Variants in LRRC4C observed in about 807,000 individuals in gnomAD.
LRRC4C encodes the protein leucine-rich repeat-containing protein 4C.
Under a neutral mutation model 33.6 loss-of-function variants are expected in LRRC4C, and 5 were observed. The observed-to-expected ratio is 0.15, with a 90% CI of 0.08 to 0.31. LRRC4C has a LOEUF of 0.31. Ranked by LOEUF, LRRC4C falls within the 10% of genes least tolerant of loss-of-function variation. LRRC4C has a pLI of 1.00. For synonymous variants in LRRC4C, 329 were observed against 302.0 expected (o/e 1.09, Z -0.93); for missense variants, 560 against 796.7 (o/e 0.70, Z 3.58).
intron 5 of LRRC4C, among the ~76,000 whole-genome samples, chr11:40,208,853 C>T (rs1371788011): frequency 1.3e-5 from 2 of 152,062 alleles, no homozygotes; most frequent in Non-Finnish European, 2.9e-5. Flanking sequence ...TTCACATTCA[C>T]CGACTTCAAC....
At chr11:41,014,539 C>T (rs1313823495) in intron 1 of LRRC4C, among the ~76,000 whole-genome samples, 3 of 149,974 alleles carry the variant, frequency 2.0e-5, no homozygotes, top group Admixed American at 1.3e-4. Context: ...TATTGGATAC[C>T]ATGATGTTGT....
intron 3 of LRRC4C, among the ~76,000 whole-genome samples, chr11:40,615,240 A>ATT (rs1961660575): frequency 1.5e-5 from 1 of 68,804 alleles, no homozygotes; most frequent in African/African-American, 5.4e-5. Context: ...GATTTATTTT[A>ATT]TATATATATA....
At chr11:40,463,307 TGTGTGTGTG>T (rs1952495225) in intron 3 of LRRC4C, among the ~76,000 whole-genome samples, 2 of 32,954 alleles carry the variant, frequency 6.1e-5, no homozygotes, top group African/African-American at 1.9e-4. Flanking sequence ...GTGTTACTGG[TGTGTGTGTG>T]TGTGTGTGTG....
intron 3 of LRRC4C, among the ~76,000 whole-genome samples, chr11:40,640,877 G>C (rs1051136762): frequency 6.6e-6 from 1 of 151,842 alleles, no homozygotes; most frequent in East Asian, 1.9e-4. Flanking sequence ...TCAGCCGGGC[G>C]TGGTGGCGGG....
intron 2 of LRRC4C, among the ~76,000 whole-genome samples, chr11:40,768,243 T>C (rs1373908103): frequency 6.6e-6 from 1 of 151,980 alleles, no homozygotes; most frequent in African/African-American, 2.4e-5. Flanking sequence ...CCTGGACCCA[T>C]ACAACCTACC....
At position 41,309,386 on chromosome 11, in the gene LRRC4C, G is replaced by A. The variant is rs140494582; in HGVS notation, c.-496+150045C>T. Reference sequence around the variant, plus strand: ...TGAAGAAGATAGCAGATGTTCTGCGGTCTCTGATTTCTTTTTTTGAGCACA... The same window carrying A: ...TGAAGAAGATAGCAGATGTTCTGCGATCTCTGATTTCTTTTTTTGAGCACA... On this transcript the variant is annotated intron_variant, in intron 1 of 6. Coordinates refer to ENST00000528697, the MANE Select transcript of LRRC4C (RefSeq NM_001258419.2). 2.1e-3 allele frequency among the ~76,000 whole-genome samples: 317 copies of A among 152,290 alleles called. 3 individuals carry two copies. Among genetic ancestry groups the A allele is most frequent in the African/African-American group, 6.8e-3 (281 of 41,564 alleles).
chr11:40,541,491 A>G (rs1956705516), intron 3 of LRRC4C, among the ~76,000 whole-genome samples: 1 of 152,178 alleles, frequency 6.6e-6, no homozygotes, highest in East Asian at 1.9e-4. Flanking sequence ...AGCAAGTCCA[A>G]CTTGACAAAT....
At chr11:40,566,085 A>ATTTTTTT (rs1957748746) in intron 3 of LRRC4C, among the ~76,000 whole-genome samples, 2 of 85,848 alleles carry the variant, frequency 2.3e-5, no homozygotes, top group Admixed American at 1.3e-4. Flanking sequence ...ATTTTTACTA[A>ATTTTTTT]GTTTTTTTTT....
intron 3 of LRRC4C, among the ~76,000 whole-genome samples, chr11:40,349,887 A>T (rs1200681816): frequency 6.6e-6 from 1 of 152,066 alleles, no homozygotes; most frequent in African/African-American, 2.4e-5. Flanking sequence ...ACAATCTCAG[A>T]CATTCTGAGA....
intron 1 of LRRC4C, among the ~76,000 whole-genome samples, chr11:41,300,270 C>T (rs1950250621): frequency 6.6e-6 from 1 of 152,188 alleles, no homozygotes; most frequent in South Asian, 2.1e-4. Flanking sequence ...CAGCATGAAA[C>T]TTTAAGGCTG....
At chr11:41,166,225 A>C (rs566792135) in intron 1 of LRRC4C, among the ~76,000 whole-genome samples, 11 of 152,310 alleles carry the variant, frequency 7.2e-5, no homozygotes, top group African/African-American at 2.6e-4. Context: ...TAGCACATAG[A>C]AAATATTTAA....
chr11:40,724,155 T>C (rs1269241923), intron 2 of LRRC4C, among the ~76,000 whole-genome samples: 1 of 152,184 alleles, frequency 6.6e-6, no homozygotes, highest in Non-Finnish European at 1.5e-5. Context: ...TACATAATAA[T>C]AGTGATGTAC....
intron 3 of LRRC4C, among the ~76,000 whole-genome samples, chr11:40,517,517 A>G (rs1475929341): frequency 6.6e-6 from 1 of 152,180 alleles, no homozygotes; most frequent in Non-Finnish European, 1.5e-5. Flanking sequence ...CTGTAACTGG[A>G]TGCTTCAAGA....
chr11:41,176,458 A>G (rs1261759139), intron 1 of LRRC4C, among the ~76,000 whole-genome samples: 1 of 152,194 alleles, frequency 6.6e-6, no homozygotes, highest in Admixed American at 6.5e-5. Context: ...TTCATTCATC[A>G]GTCCTGCATC....
intron 1 of LRRC4C, among the ~76,000 whole-genome samples, chr11:41,365,439 G>T (rs1315637765): frequency 6.6e-6 from 1 of 151,920 alleles, no homozygotes; most frequent in Non-Finnish European, 1.5e-5. Flanking sequence ...TAAAATTATT[G>T]CACTTGAATT....
chr11:40,878,993 C>T (rs1955044206), intron 2 of LRRC4C, among the ~76,000 whole-genome samples: 1 of 152,136 alleles, frequency 6.6e-6, no homozygotes, highest in African/African-American at 2.4e-5. Flanking sequence ...TGATTCTTCT[C>T]AAAGTTTCTA....
intron 2 of LRRC4C, among the ~76,000 whole-genome samples, chr11:40,717,951 G>A (rs1020298021): frequency 1.3e-5 from 2 of 152,158 alleles, no homozygotes; most frequent in African/African-American, 2.4e-5. Flanking sequence ...ATATGGAACA[G>A]ATATTAAGAT....
At chr11:40,592,780 AGTG>A (rs1959115994) in intron 3 of LRRC4C, among the ~76,000 whole-genome samples, 1 of 152,164 alleles carries the variant, frequency 6.6e-6, no homozygotes. Context: ...GCTGTGATCT[AGTG>A]AAAGGTAAAT....
At chr11:41,061,785 T>A (rs1166763563) in intron 1 of LRRC4C, among the ~76,000 whole-genome samples, 3 of 151,924 alleles carry the variant, frequency 2.0e-5, no homozygotes, top group African/African-American at 7.3e-5. Flanking sequence ...TTTGGATGCT[T>A]CCTTTAGAAT....
Sources: allele counts gnomAD v4.1 joint callset (sites outside exome capture counted in the v4.1 genomes callset), GRCh38; gene constraint gnomAD v4.1.1; transcripts MANE v1.5; gene names NCBI Gene and HGNC (gene_info 2026-07-23, HGNC 2026-07-21).